Variants in PCDHGB5 observed in about 807,000 individuals in gnomAD.
PCDHGB5 encodes the protein protocadherin gamma subfamily B, 5, also known as protocadherin gamma-B5.
In PCDHGB5, 48 loss-of-function variants were observed where a neutral mutation model predicts 62.9. The ratio of observed to expected loss-of-function variants is 0.76; its 90% CI spans 0.61 to 0.97. The LOEUF is 0.97. Among genes scored for constraint, PCDHGB5 ranks in the 50% least tolerant of loss-of-function variants. PCDHGB5 has a pLI of 0.00. For synonymous variants in PCDHGB5, 474 were observed against 511.2 expected (o/e 0.93, Z 0.98); for missense variants, 1,118 against 1,198.6 (o/e 0.93, Z 0.99).
Position 141,490,637 on chromosome 5 carries a change from A to C in PCDHGB5, c.2398-4170A>C. ...CTTTACACTGCTTACATCCTAGAAA[A>C]CCGGCCTCCGGGCTCCCTTCTTTGC... is the stretch of plus-strand genomic sequence containing the variant. On this transcript the variant is annotated intron_variant, in intron 1 of 3. Coordinates refer to ENST00000617380, the MANE Select transcript of PCDHGB5 (RefSeq NM_018925.3). This position sits in a 1 kb window ranked among gnomAD's most constrained non-coding sequence, Gnocchi z 5.4. 1 of 1,614,108 alleles carries C rather than the reference A, an allele frequency of 6.2e-7. No individual in the cohort carries two copies. Among genetic ancestry groups the C allele is most frequent in the Non-Finnish European group, 8.5e-7 (1 of 1,179,992 alleles).
At position 141,422,850 on chromosome 5, in the gene PCDHGB5, G is replaced by A. The variant is rs184432819; in HGVS notation, c.2397+22326G>A. On this transcript the variant is annotated intron_variant, in intron 1 of 3. Transcript: ENST00000617380. Reference sequence around the variant, plus strand: ...TGATAGCACGTGACAGCGGGGACCCGCCCCTCAGCAGCAACGTGTCGCTGA... The same window carrying A: ...TGATAGCACGTGACAGCGGGGACCCACCCCTCAGCAGCAACGTGTCGCTGA... 154 of 1,614,204 alleles carry A rather than the reference G, an allele frequency of 9.5e-5. 1 individual carries two copies. The African/African-American group carries it at 1.3e-3, about 14-fold the overall frequency.
rs561451935 is a variant in PCDHGB5 at position 141,423,179 on chromosome 5, G to A, written c.2397+22655G>A. 21 of 1,613,516 alleles carry A rather than the reference G, an allele frequency of 1.3e-5. No individual in the cohort carries two copies. The South Asian group carries it at 2.1e-4, about 16-fold the overall frequency. ...CTCGTGGTGGCCGTCCAGGACCACG[G>A]CCAGCCCCCTCTCTCGGCCACCGTC... On this transcript the variant is annotated intron_variant, in intron 1 of 3. Transcript: ENST00000617380.
intron 1 of PCDHGB5, among the ~76,000 whole-genome samples, chr5:141,446,698 G>C (rs750413432): frequency 1.3e-5 from 2 of 152,070 alleles, no homozygotes; most frequent in African/African-American, 4.8e-5. Flanking sequence ...GGCTGGTCTC[G>C]AACTCTGATC....
chr5:141,413,283 C>G (rs377443382), intron 1 of PCDHGB5: 1 of 1,613,966 alleles, frequency 6.2e-7, no homozygotes, highest in Admixed American at 1.7e-5. Context: ...GGCAGATCTC[C>G]TACTCAATTC....
chr5:141,399,021 C>T lies in PCDHGB5; in HGVS notation c.894C>T (p.Thr298=), dbSNP rs2093739749. Residue 298 remains threonine (T), a synonymous_variant, in exon 1 of 4, where the codon ACC becomes ACT. Coordinates refer to ENST00000617380, the MANE Select transcript of PCDHGB5 (RefSeq NM_018925.3). ...TGAATTCAAAGAGCGGAGAAATTAC[C>T]ACTCAAAAGAAACTGGATTTTGAAG... ...FSLNSKSGEI[T]TQKKLDFEET... The T allele has an allele frequency of 1.2e-6, 2 of 1,613,862 alleles. No individual in the cohort carries two copies. The highest frequency in any genetic ancestry group is 1.7e-6 in the Non-Finnish European group (2 of 1,179,890).
At chr5:141,418,050 G>T in intron 1 of PCDHGB5, 1 of 1,613,576 alleles carries the variant, frequency 6.2e-7, no homozygotes, top group Non-Finnish European at 8.5e-7. Context: ...GTGTCGGCTC[G>T]CGAGCTGCGA....
At chr5:141,471,095 C>T (rs1266802067) in intron 1 of PCDHGB5, among the ~76,000 whole-genome samples, 1 of 144,764 alleles carries the variant, frequency 6.9e-6, no homozygotes, top group East Asian at 2.0e-4. Context: ...GTTGTCCAGG[C>T]TAGAGTGCAG....
chr5:141,465,923 C>A (rs908350232), intron 1 of PCDHGB5, among the ~76,000 whole-genome samples: 2 of 152,062 alleles, frequency 1.3e-5, no homozygotes, highest in African/African-American at 4.8e-5. Flanking sequence ...GATTTCGAGT[C>A]CATCCTGGCT....
rs112808093 is a variant in PCDHGB5, at chr5:141,489,579, C to A, written c.2398-5228C>A. ...CAGTGCAGGTGGTGACTGAACACCC[C>A]CTGGAGCTAATCCGTGTAGAGGTAG... On this transcript the variant is annotated intron_variant, in intron 1 of 3. Coordinates refer to ENST00000617380, the MANE Select transcript of PCDHGB5 (RefSeq NM_018925.3). This position sits in a 1 kb window ranked among gnomAD's most constrained non-coding sequence, Gnocchi z 4.5. 1.2e-6 allele frequency: 2 copies of A among 1,613,922 alleles called. No individual in the cohort carries two copies. Among genetic ancestry groups the A allele is most frequent in the African/African-American group, 2.7e-5 (2 of 74,916 alleles).
intron 1 of PCDHGB5, among the ~76,000 whole-genome samples, chr5:141,449,868 T>C (rs902371897): frequency 1.3e-5 from 2 of 151,910 alleles, no homozygotes; most frequent in African/African-American, 4.8e-5. Flanking sequence ...AATCAGAAAA[T>C]TTAACATCAA....
In PCDHGB5 at chr5:141,476,516, G is replaced by T. The variant is rs1042414523; in HGVS notation, c.2398-18291G>T. 1 of 1,614,016 alleles carries T rather than the reference G, an allele frequency of 6.2e-7. No individual in the cohort carries two copies. The highest frequency in any genetic ancestry group is 8.5e-7 in the Non-Finnish European group (1 of 1,180,022). ...CCAGGACATCAACGACAACAATCCT[G>T]CTTTCCCTACCCAGGAAATGAAATT... On this transcript the variant is annotated intron_variant, in intron 1 of 3. Transcript: ENST00000617380. The surrounding 1 kb of genome is among the most constrained non-coding windows in gnomAD (Gnocchi z 7.6).
At position 141,423,606 on chromosome 5, in the gene PCDHGB5, G is replaced by A. The variant is rs945897368; in HGVS notation, c.2397+23082G>A. 9 of 1,612,046 alleles carry A rather than the reference G, an allele frequency of 5.6e-6. No individual in the cohort carries two copies. In the Admixed American group the frequency reaches 1.0e-4, roughly 18 times the overall value. On this transcript the variant is annotated intron_variant, in intron 1 of 3. Transcript: ENST00000617380. ...GCTGTGAGAAAAGCGAGCCACTCTT[G>A]ATAGCTGAAGACTCAGCTATCATTT...
rs200790843 is a variant in PCDHGB5 at position 141,432,196 on chromosome 5, C to A, written c.2397+31672C>A. ...TCGTCTCTGTGACCGCCCACGACCCCGACTGTGAAGAGAACGCCCAGATCA... is the reference window on the plus strand; with the variant it reads ...TCGTCTCTGTGACCGCCCACGACCCAGACTGTGAAGAGAACGCCCAGATCA... On this transcript the variant is annotated intron_variant, in intron 1 of 3. Coordinates refer to ENST00000617380, the MANE Select transcript of PCDHGB5 (RefSeq NM_018925.3). This position sits in a 1 kb window ranked among gnomAD's most constrained non-coding sequence, Gnocchi z 6.0. The A allele has an allele frequency of 6.2e-7, 1 of 1,614,192 alleles. No homozygotes were observed.
chr5:141,478,660 T>C, intron 1 of PCDHGB5: 2 of 1,551,848 alleles, frequency 1.3e-6, no homozygotes, highest in Non-Finnish European at 1.7e-6. Flanking sequence ...TGGTGATGCA[T>C]TCACACTTTC....
chr5:141,425,843 G>A (rs2096898027), intron 1 of PCDHGB5, among the ~76,000 whole-genome samples: 1 of 152,118 alleles, frequency 6.6e-6, no homozygotes, highest in African/African-American at 2.4e-5. Flanking sequence ...TCTCTTTGCT[G>A]GGTTAATGAC....
At chr5:141,502,030 C>T (rs1031787021) in intron 2 of PCDHGB5, among the ~76,000 whole-genome samples, 4 of 152,180 alleles carry the variant, frequency 2.6e-5, no homozygotes, top group Non-Finnish European at 4.4e-5. Flanking sequence ...CAACCCCCGC[C>T]GCTTGCCTGC....
At chr5:141,438,583 CATACATACATATATATATATATATATAT>C (rs1227221577) in intron 1 of PCDHGB5, among the ~76,000 whole-genome samples, 1 of 57,610 alleles carries the variant, frequency 1.7e-5, no homozygotes, top group African/African-American at 9.0e-5. Flanking sequence ...TACATACATA[CATACATACATATATATATATATATATAT>C]ATATATATAT....
intron 1 of PCDHGB5, among the ~76,000 whole-genome samples, chr5:141,445,961 G>T (rs944876169): frequency 1.3e-5 from 2 of 152,158 alleles, no homozygotes; most frequent in Non-Finnish European, 2.9e-5. Context: ...GCTATATGGA[G>T]AATTGATTTA....
In PCDHGB5 at chr5:141,400,314, CAA is replaced by C. The variant is rs1443669567; in HGVS notation, c.2188_2189del (p.Lys730ValfsTer31). 6.2e-7 allele frequency: 1 copy of C among 1,613,960 alleles called. No homozygotes were observed. The highest frequency in any genetic ancestry group is 8.5e-7 in the Non-Finnish European group (1 of 1,179,908). On this transcript the variant is annotated frameshift_variant, in exon 1 of 4. Transcript: ENST00000617380. LOFTEE classifies it high-confidence loss of function. ...GCTGCTTCCAACCTGGTCTCTGTGT[CAA>C]GTCTGGACCTGTGGTTCCCCCCAAC... ...WSCFQPGLCV[K>X]SGPVVPPNYS...
Sources: allele counts gnomAD v4.1 joint callset (sites outside exome capture counted in the v4.1 genomes callset), GRCh38; gene constraint gnomAD v4.1.1; non-coding constraint Gnocchi (gnomAD v3.1); transcripts MANE v1.5; gene names NCBI Gene and HGNC (gene_info 2026-07-23, HGNC 2026-07-21).